Variants in ROBO1 observed in about 807,000 individuals in gnomAD.
ROBO1 encodes roundabout guidance receptor 1.
Under a neutral mutation model 195.9 loss-of-function variants are expected in ROBO1, and 149 were observed. The ratio of observed to expected loss-of-function variants is 0.76; its 90% CI spans 0.67 to 0.87. The LOEUF is 0.87. Ranked by LOEUF, ROBO1 falls within the 40% of genes least tolerant of loss-of-function variation. The pLI is 0.00. For missense variants in ROBO1, 1,933 were observed against 2,068.3 expected (o/e 0.93, Z 1.27); for synonymous variants, 816 against 733.2 (o/e 1.11, Z -1.82).
At chr3:78,920,214 T>G (rs535415670) in intron 4 of ROBO1, among the ~76,000 whole-genome samples, 1 of 152,338 alleles carries the variant, frequency 6.6e-6, no homozygotes, top group African/African-American at 2.4e-5. Flanking sequence ...TTGTCCTACA[T>G]TTCACTTTCA....
At chr3:78,656,631 A>G (rs1159222476) in intron 18 of ROBO1, among the ~76,000 whole-genome samples, 3 of 152,122 alleles carry the variant, frequency 2.0e-5, no homozygotes, top group Non-Finnish European at 4.4e-5. Context: ...GATTACAGGC[A>G]TGAGCCACCG....
chr3:79,218,102 T>C (rs2082083220), intron 2 of ROBO1, among the ~76,000 whole-genome samples: 1 of 152,140 alleles, frequency 6.6e-6, no homozygotes, highest in African/African-American at 2.4e-5. Flanking sequence ...AAATCTTATA[T>C]AGACAATTTA....
intron 1 of ROBO1, among the ~76,000 whole-genome samples, chr3:79,753,465 G>T (rs1015419141): frequency 6.6e-6 from 1 of 152,134 alleles, no homozygotes; most frequent in Non-Finnish European, 1.5e-5. Context: ...AGACTTATCT[G>T]CAAATCAGTG....
At chr3:78,973,289 C>T (rs2076809334) in intron 3 of ROBO1, among the ~76,000 whole-genome samples, 1 of 151,612 alleles carries the variant, frequency 6.6e-6, no homozygotes, top group African/African-American at 2.4e-5. Flanking sequence ...TCAAGGCTCT[C>T]TTTATCTCCT....
chr3:79,140,356 A>T (rs2080498987), intron 2 of ROBO1, among the ~76,000 whole-genome samples: 1 of 152,170 alleles, frequency 6.6e-6, no homozygotes, highest in African/African-American at 2.4e-5. Flanking sequence ...ATTTATTTAG[A>T]TAATCAATAT....
intron 4 of ROBO1, among the ~76,000 whole-genome samples, chr3:78,790,522 A>G (rs1462395508): frequency 1.3e-5 from 2 of 152,172 alleles, no homozygotes; most frequent in Non-Finnish European, 2.9e-5. Flanking sequence ...TTATTATTCA[A>G]TACCATCACC....
At chr3:79,137,936 CA>C (rs1441731174) in intron 2 of ROBO1, among the ~76,000 whole-genome samples, 7 of 152,026 alleles carry the variant, frequency 4.6e-5, no homozygotes, top group Admixed American at 1.3e-4. Flanking sequence ...GTCCATTAAG[CA>C]TATCACCAGA....
At chr3:79,637,469 GA>G (rs71130604) in intron 1 of ROBO1, among the ~76,000 whole-genome samples, 87,910 of 149,140 alleles carry the variant, frequency 0.59, 26,088 homozygotes, top group South Asian at 0.67. Context: ...TTTTACATTG[GA>G]AAAAAAAAAG....
chr3:79,396,777 G>C (rs954661583), intron 2 of ROBO1, among the ~76,000 whole-genome samples: 28 of 152,154 alleles, frequency 1.8e-4, no homozygotes, highest in African/African-American at 6.5e-4. Context: ...TATATACTTG[G>C]CCATGGTAAA....
In ROBO1 at chr3:79,734,527, A is replaced by T. The variant is rs1434914950; in HGVS notation, c.-51+33225T>A. On this transcript the variant is annotated intron_variant, in intron 1 of 30. Transcript: ENST00000464233. ...TTTGGCAAATGCAGTAAGCATTTAT[A>T]TTCACTGTTCTTGTGTTATTTCCTA... 2.0e-5 allele frequency among the ~76,000 whole-genome samples: 3 copies of T among 152,196 alleles called. No individual in the cohort carries two copies. In the East Asian group the frequency reaches 5.8e-4, roughly 29 times the overall value.
At chr3:79,231,740 C>T (rs774494813) in intron 2 of ROBO1, among the ~76,000 whole-genome samples, 3 of 152,098 alleles carry the variant, frequency 2.0e-5, no homozygotes, top group Non-Finnish European at 4.4e-5. Flanking sequence ...ATAAATTATT[C>T]TATTATAAAG....
chr3:78,728,912 C>T (rs1333737191), intron 5 of ROBO1, among the ~76,000 whole-genome samples: 1 of 152,218 alleles, frequency 6.6e-6, no homozygotes, highest in South Asian at 2.1e-4. Context: ...GTACACTTTA[C>T]AATACCATTT....
At chr3:78,945,692 A>T (rs2040396078) in intron 3 of ROBO1, among the ~76,000 whole-genome samples, 1 of 152,148 alleles carries the variant, frequency 6.6e-6, no homozygotes, top group South Asian at 2.1e-4. Flanking sequence ...AAATTGAGAG[A>T]AGAAGGCTTC....
intron 3 of ROBO1, among the ~76,000 whole-genome samples, chr3:78,966,021 G>A (rs370762397): frequency 5.3e-5 from 8 of 152,144 alleles, no homozygotes; most frequent in Non-Finnish European, 8.8e-5. Context: ...TGCAGCAGCC[G>A]GCATTAGCCC....
intron 1 of ROBO1, among the ~76,000 whole-genome samples, chr3:79,624,424 C>A (rs1299195615): frequency 6.6e-6 from 1 of 151,928 alleles, no homozygotes; most frequent in African/African-American, 2.4e-5. Flanking sequence ...AGATTTAAGA[C>A]CCATCGGTAT....
chr3:79,054,705 T>C (rs990797721), intron 3 of ROBO1, among the ~76,000 whole-genome samples: 2 of 152,120 alleles, frequency 1.3e-5, no homozygotes, highest in Admixed American at 1.3e-4. Flanking sequence ...CAAATGCTGC[T>C]GCTACTGTTT....
intron 3 of ROBO1, among the ~76,000 whole-genome samples, chr3:78,985,991 G>A (rs753118077): frequency 1.1e-4 from 17 of 152,102 alleles, no homozygotes; most frequent in Non-Finnish European, 1.9e-4. Flanking sequence ...GAGATAACAT[G>A]AAGTTAATGA....
chr3:79,678,761 C>T (rs941763422), intron 1 of ROBO1, among the ~76,000 whole-genome samples: 40 of 152,112 alleles, frequency 2.6e-4, no homozygotes, highest in African/African-American at 8.7e-4. Context: ...CAAAGGAGCA[C>T]GGATTGCCAG....
chr3:79,053,029 G>T (rs1451063240), intron 3 of ROBO1, among the ~76,000 whole-genome samples: 2 of 151,974 alleles, frequency 1.3e-5, no homozygotes, highest in African/African-American at 4.8e-5. Flanking sequence ...CACTGTCCTT[G>T]GTTTCCTGAA....
Sources: gnomAD v4.1 joint callset for allele counts (sites outside exome capture counted in the v4.1 genomes callset) on GRCh38, gnomAD v4.1.1 for gene constraint, MANE v1.5 for transcripts, NCBI Gene and HGNC (gene_info 2026-07-23, HGNC 2026-07-21) for gene names.